The following CPAMD8 variants were observed in gnomAD, a reference collection of about 807,000 sequenced individuals.
CPAMD8 encodes the protein C3 and PZP-like alpha-2-macroglobulin domain-containing protein 8.
CPAMD8 carries 146 observed loss-of-function variants against 224.7 expected under a neutral mutation model. The observed-to-expected ratio is 0.65, with a 90% CI of 0.57 to 0.75. The LOEUF is 0.75. CPAMD8 is among the 30% of genes least tolerant of loss of function. CPAMD8 has a pLI of 0.00. For missense variants in CPAMD8, 2,301 were observed against 2,537.5 expected, an observed-to-expected ratio of 0.91 and a Z score of 2.00; for synonymous variants, 966 against 1,044.6, an observed-to-expected ratio of 0.92 and a Z score of 1.45.
intron 22 of CPAMD8, among the ~76,000 whole-genome samples, chr19:16,938,858 T>A (rs537068630): frequency 6.2e-4 from 94 of 152,224 alleles, no homozygotes; most frequent in Non-Finnish European, 1.1e-3. Flanking sequence ...GGCTCCTGCA[T>A]CTGCCAAGGA....
chr19:16,903,994 A>C, intron 32 of CPAMD8, 137 bp from the exon 33 acceptor site: 1 of 956,376 alleles, frequency 1.0e-6, no homozygotes, highest in Non-Finnish European at 1.5e-6. Flanking sequence ...GCAGACACCC[A>C]TGGCACTGGG....
At chr19:16,999,640 A>G (rs929344085) in intron 10 of CPAMD8, among the ~76,000 whole-genome samples, 4 of 152,064 alleles carry the variant, frequency 2.6e-5, no homozygotes, top group Non-Finnish European at 5.9e-5. Context: ...ACATGGGTGA[A>G]TTGTATGCTA....
At chr19:16,985,314 G>C (rs1034356410) in intron 13 of CPAMD8, among the ~76,000 whole-genome samples, 2 of 150,596 alleles carry the variant, frequency 1.3e-5, no homozygotes, top group Admixed American at 6.6e-5. Context: ...TGGATGGATG[G>C]ATGAAGGGTG....
At chr19:16,944,342 T>G (rs1463118842) in intron 22 of CPAMD8, among the ~76,000 whole-genome samples, 3 of 152,200 alleles carry the variant, frequency 2.0e-5, no homozygotes, top group Admixed American at 1.3e-4. Context: ...CAGAGCTGCC[T>G]CCAGGAAGCC....
At chr19:16,986,149 G>A (rs1354012972) in intron 13 of CPAMD8, among the ~76,000 whole-genome samples, 2 of 152,118 alleles carry the variant, frequency 1.3e-5, no homozygotes, top group Admixed American at 6.6e-5. Context: ...GTGCCAAGAT[G>A]TGGGGAGTGG....
At chr19:16,991,769 C>T (rs542532500) in intron 12 of CPAMD8, among the ~76,000 whole-genome samples, 4 of 151,802 alleles carry the variant, frequency 2.6e-5, no homozygotes, top group Admixed American at 1.3e-4. Context: ...GCAGGATAAT[C>T]GCTTGAACCT....
At chr19:16,931,676 T>C (rs2053550093) in intron 23 of CPAMD8, among the ~76,000 whole-genome samples, 1 of 152,174 alleles carries the variant, frequency 6.6e-6, no homozygotes, top group Admixed American at 6.5e-5. Flanking sequence ...TAGAATGCCC[T>C]GGTGCTCAAG....
At chr19:16,975,704 A>T (rs1477373642) in intron 16 of CPAMD8, among the ~76,000 whole-genome samples, 2 of 151,994 alleles carry the variant, frequency 1.3e-5, no homozygotes, top group Non-Finnish European at 1.5e-5. Context: ...CAACATCCCA[A>T]CTCTAAAAAT....
chr19:16,936,940 T>C (rs1258848743), intron 23 of CPAMD8, among the ~76,000 whole-genome samples: 1 of 152,220 alleles, frequency 6.6e-6, no homozygotes, highest in Non-Finnish European at 1.5e-5. Flanking sequence ...CTAAAAACTA[T>C]ATGCTTGGCT....
At chr19:16,923,784 C>T (rs1001474086) in intron 26 of CPAMD8, among the ~76,000 whole-genome samples, 4 of 151,974 alleles carry the variant, frequency 2.6e-5, no homozygotes, top group Admixed American at 6.6e-5. Context: ...GACAACATAG[C>T]GGAACCCCAT....
At chr19:16,954,811 C>A (rs1444145834) in intron 19 of CPAMD8, among the ~76,000 whole-genome samples, 2 of 151,850 alleles carry the variant, frequency 1.3e-5, no homozygotes, top group East Asian at 3.9e-4. Context: ...GGTGAAACCC[C>A]ATCTCTACTA....
chr19:16,980,043 TTA>T (rs1206635100), intron 14 of CPAMD8, among the ~76,000 whole-genome samples: 1 of 152,094 alleles, frequency 6.6e-6, no homozygotes, highest in African/African-American at 2.4e-5. Context: ...ATCCACCCCC[TTA>T]TATATGTCTA....
intron 18 of CPAMD8, among the ~76,000 whole-genome samples, chr19:16,966,646 G>GA (rs565927066): frequency 1.3e-4 from 20 of 151,856 alleles, no homozygotes; most frequent in African/African-American, 2.9e-4. Flanking sequence ...AAATTTACAA[G>GA]AAAAAAACAA....
intron 21 of CPAMD8, among the ~76,000 whole-genome samples, chr19:16,946,527 GTGAA>G (rs2054098931): frequency 6.9e-6 from 1 of 144,460 alleles, no homozygotes. Context: ...GTGTGTGTGT[GTGAA>G]TGCATGTCTA....
At chr19:16,965,619 C>A (rs11882899) in intron 18 of CPAMD8, among the ~76,000 whole-genome samples, 44,085 of 151,994 alleles carry the variant, frequency 0.29, 7,374 homozygotes, top group African/African-American at 0.45. Context: ...AAACCTCCTT[C>A]AGCTGATATG....
rs146602177 is a variant in CPAMD8 at position 16,927,975 on chromosome 19, G to A, written c.3370+34C>T. 1,541 of 1,506,476 alleles carry A rather than the reference G, an allele frequency of 1.0e-3. 19 individuals are homozygous for A. The African/African-American group carries it at 0.019, about 18-fold the overall frequency. The allele number at this position is 1,506,476 out of a possible 1,614,324, so 93.3% of individuals were successfully genotyped here. On this transcript the variant is annotated intron_variant, in intron 25 of 41. Transcript: ENST00000443236. ...GTCTCAACTTCGGCTCTTGCCCCCTGACCTCTCCAAGCCAGGCTGTGGGAC... is the reference window on the plus strand; with the variant it reads ...GTCTCAACTTCGGCTCTTGCCCCCTAACCTCTCCAAGCCAGGCTGTGGGAC...
chr19:17,021,909 T>C, intron 2 of CPAMD8, 121 bp downstream of exon 2: 6 of 373,604 alleles, frequency 1.6e-5, no homozygotes, highest in East Asian at 8.1e-5. Context: ...CCCATGCCCC[T>C]GGGGATTTAG....
chr19:16,950,793 G>GAAAAAAA (rs757775739), intron 20 of CPAMD8, among the ~76,000 whole-genome samples: 3 of 45,882 alleles, frequency 6.5e-5, no homozygotes, highest in Admixed American at 2.5e-4. Flanking sequence ...ACCCTGTCTC[G>GAAAAAAA]AAAAAAAAAA....
Position 16,901,303 on chromosome 19 carries a change from A to G in CPAMD8, c.4686-6T>C. On this transcript the variant is annotated splice_region_variant and splice_polypyrimidine_tract_variant and intron_variant, in intron 35 of 41. Coordinates refer to ENST00000443236, the MANE Select transcript of CPAMD8 (RefSeq NM_015692.5). ...AAGACCCTGCATGCAGCCACCTTCC[A>G]ACAACAGGGGAGAGAGAGAGGCCCT... is the stretch of plus-strand genomic sequence containing the variant. The G allele has an allele frequency of 6.3e-7, 1 of 1,597,276 alleles. No individual in the cohort carries two copies. Among genetic ancestry groups the G allele is most frequent in the Non-Finnish European group, 8.6e-7 (1 of 1,166,006 alleles).
Sources: allele counts gnomAD v4.1 joint callset (sites outside exome capture counted in the v4.1 genomes callset), GRCh38; gene constraint gnomAD v4.1.1; transcripts MANE v1.5; gene names NCBI Gene and HGNC (gene_info 2026-07-23, HGNC 2026-07-21).